Variants in DPM1 observed in about 807,000 individuals in gnomAD.
The protein encoded by DPM1 is dolichyl-phosphate mannosyltransferase subunit 1, catalytic, also known as dolichol-phosphate mannosyltransferase subunit 1.
Under a neutral mutation model 39.0 loss-of-function variants are expected in DPM1, and 27 were observed. That is an observed-to-expected ratio of 0.69 (90% CI 0.51 to 0.95). The LOEUF is 0.95. DPM1 is among the 40% of genes least tolerant of loss of function. DPM1 has a pLI of 0.00. For missense variants in DPM1, 307 were observed against 315.6 expected, an observed-to-expected ratio of 0.97 and a Z score of 0.21; for synonymous variants, 124 against 109.0, an observed-to-expected ratio of 1.14 and a Z score of -0.86.
intron 3 of DPM1, among the ~76,000 whole-genome samples, chr20:50,946,599 G>C (rs1279910995): frequency 6.6e-6 from 1 of 152,150 alleles, no homozygotes; most frequent in Non-Finnish European, 1.5e-5. Flanking sequence ...TCTGGTATTT[G>C]GGGCCAAAGG....
At position 50,955,274 on chromosome 20, in the gene DPM1, T is replaced by A. The variant is rs1040795570; in HGVS notation, c.173A>T (p.Tyr58Phe). ...TCCATCATCTATGATTATAATTTCA[T>A]AGTTGATTCCACTAAAAAAATTAAA... ...VKSFSESGIN[Y>F]EIIIIDDGSP... The change falls in exon 2 of 9, where the codon TAT becomes TTT. Residue 58 changes from tyrosine to phenylalanine, a missense_variant. Physicochemically the swap from Tyr to Phe is conservative, Grantham distance 22. Coordinates refer to ENST00000371588, the MANE Select transcript of DPM1 (RefSeq NM_003859.3). 10 of 1,611,596 alleles carry A rather than the reference T, an allele frequency of 6.2e-6. No individual in the cohort carries two copies. The Middle Eastern group carries it at 6.6e-4, about 106-fold the overall frequency.
chr20:50,957,019 CAA>C (rs887559116), intron 1 of DPM1, among the ~76,000 whole-genome samples: 1 of 143,462 alleles, frequency 7.0e-6, no homozygotes, highest in African/African-American at 2.6e-5. Flanking sequence ...ATTAAAACAG[CAA>C]AAAAAAAAAT....
At chr20:50,955,921 G>A (rs6020866) in intron 1 of DPM1, among the ~76,000 whole-genome samples, 11 of 152,180 alleles carry the variant, frequency 7.2e-5, no homozygotes, top group African/African-American at 2.6e-4. Flanking sequence ...GCAAATCTTA[G>A]TTACATAAAA....
intron 1 of DPM1, among the ~76,000 whole-genome samples, chr20:50,956,531 GAAAAAAAAAA>G (rs56159089): frequency 1.0e-5 from 1 of 100,410 alleles, no homozygotes; most frequent in Admixed American, 1.0e-4. Flanking sequence ...GTCTCCAAAA[GAAAAAAAAAA>G]AAAAGAAAAA....
rs543099435 is a variant in DPM1, at chr20:50,955,278, T to A, written c.169A>T (p.Asn57Tyr). 36 of 1,610,678 alleles carry A rather than the reference T, an allele frequency of 2.2e-5. 1 individual carries two copies. The South Asian group carries it at 3.7e-4, about 17-fold the overall frequency. ...TCATCTATGATTATAATTTCATAGTTGATTCCACTAAAAAAATTAAATTTG... is the reference window on the plus strand; with the variant it reads ...TCATCTATGATTATAATTTCATAGTAGATTCCACTAAAAAAATTAAATTTG... ...LVKSFSESGI[N>Y]YEIIIIDDGS... Residue 57 changes from asparagine (N) to tyrosine (Y), a missense_variant, in exon 2 of 9, where the codon AAC (asparagine) becomes TAC (tyrosine). Coordinates refer to ENST00000371588, the MANE Select transcript of DPM1 (RefSeq NM_003859.3).
Position 50,935,184 on chromosome 20 carries a change from T to C in DPM1, c.731A>G (p.Asn244Ser). Residue 244 changes from asparagine (N) to serine (S), a missense_variant, in exon 9 of 9, where the codon AAT (asparagine) becomes AGT (serine). By Grantham distance (46) the Asn-to-Ser change is conservative. This residue lies in a region of DPM1 where 70 missense variants were observed against 69.4 expected (regional missense o/e 1.01). Transcript: ENST00000371588. ...RVYGESKLGG[N>S]EIVSFLKGLL... The stretch of plus-strand genomic sequence containing the variant: ...TCCTTTCAAGAAAGATACTATTTCA[T>C]TTCCTCCCAACTTGGATTCACCATA... 6.2e-7 allele frequency: 1 copy of C among 1,611,184 alleles called. No individual in the cohort carries two copies. The highest frequency in any genetic ancestry group is 1.1e-5 in the South Asian group (1 of 90,944).
intron 5 of DPM1, chr20:50,944,264 A>G (rs993943498): frequency 2.0e-5 from 3 of 152,206 alleles, no homozygotes; most frequent in African/African-American, 7.2e-5. Flanking sequence ...TTCCTTGACT[A>G]CATCCCAGGA....
intron 1 of DPM1, among the ~76,000 whole-genome samples, chr20:50,957,753 G>A (rs933063762): frequency 7.9e-5 from 12 of 152,202 alleles, no homozygotes; most frequent in Admixed American, 3.9e-4. Flanking sequence ...ACTTCGTACT[G>A]ACTCCAGGAT....
chr20:50,948,529 G>A, intron 3 of DPM1, 100 bp downstream of exon 3: 2 of 1,073,814 alleles, frequency 1.9e-6, no homozygotes, highest in South Asian at 1.2e-5. Flanking sequence ...ATCATAGGAA[G>A]TTACTGTATT....
At chr20:50,946,959 A>ACTTTGGGAGTGTAAG (rs1986323595) in intron 3 of DPM1, among the ~76,000 whole-genome samples, 1 of 152,338 alleles carries the variant, frequency 6.6e-6, no homozygotes, top group African/African-American at 2.4e-5. Context: ...TTGTAATCCC[A>ACTTTGGGAGTGTAAG]GCACTTTGGG....
Position 50,935,084 on chromosome 20 carries a change from T to A in DPM1, c.*48A>T, listed in dbSNP as rs1213865914. 9.0e-7 allele frequency: 1 copy of A among 1,113,992 alleles called. No individual in the cohort carries two copies. The highest frequency in any genetic ancestry group is 1.4e-6 in the Non-Finnish European group (1 of 729,796). The allele number at this position is 1,113,992 out of a possible 1,614,324, so 69.0% of individuals were successfully genotyped here. ...TATACAAATCAGTAACCAGGCTTCT[T>A]TCATGTTTAACCTGAAATGAACGTA... is the stretch of plus-strand genomic sequence containing the variant. On this transcript the variant is annotated 3_prime_UTR_variant, in exon 9 of 9. Transcript: ENST00000371588.
chr20:50,947,249 T>C (rs1177265874), intron 3 of DPM1, among the ~76,000 whole-genome samples: 1 of 151,690 alleles, frequency 6.6e-6, no homozygotes, highest in African/African-American at 2.4e-5. Flanking sequence ...TACACGCCTG[T>C]AATCCCAGCT....
At chr20:50,958,246 C>T in intron 1 of DPM1, 117 bp downstream of exon 1, 2 of 1,403,278 alleles carry the variant, frequency 1.4e-6, no homozygotes, top group Non-Finnish European at 2.0e-6. Flanking sequence ...CTCCCCGGGC[C>T]TTCCTGTGTG....
In DPM1 at chr20:50,935,270, T is replaced by C. The variant is rs766817719; in HGVS notation, c.679-34A>G. The C allele has an allele frequency of 1.2e-5, 16 of 1,347,868 alleles. No homozygotes were observed. The East Asian group carries it at 3.4e-4, about 29-fold the overall frequency. 83.5% of individuals were successfully genotyped at this position (1,347,868 alleles called of 1,614,324 possible). A position where few individuals can be genotyped will look rare whatever the true frequency, so the allele number is the denominator to read the frequency against. On this transcript the variant is annotated intron_variant, in intron 8 of 8. Coordinates refer to ENST00000371588, the MANE Select transcript of DPM1 (RefSeq NM_003859.3). ...AAAAAAAAAAAGTAACGTTAGTCTTTAAAAACAATTAGGCAGCTTAGCCGG... is the reference window on the plus strand; with the variant it reads ...AAAAAAAAAAAGTAACGTTAGTCTTCAAAAACAATTAGGCAGCTTAGCCGG...
At chr20:50,945,264 CATT>C (rs149801869) in intron 5 of DPM1, 17,248 of 158,672 alleles carry the variant, frequency 0.11, 984 homozygotes, top group Middle Eastern at 0.15. Context: ...TAAAATACAT[CATT>C]TAGTCTCAAA....
chr20:50,936,346 T>C (rs1985156733), intron 7 of DPM1, 84 bp from the exon 8 acceptor site: 2 of 894,282 alleles, frequency 2.2e-6, no homozygotes, highest in Non-Finnish European at 3.5e-6. Context: ...TTCACTGGTA[T>C]GTATAAAGCC....
intron 7 of DPM1, among the ~76,000 whole-genome samples, chr20:50,937,947 G>A (rs1003103601): frequency 1.7e-4 from 26 of 152,110 alleles, no homozygotes; most frequent in African/African-American, 6.0e-4. Context: ...CAAAAGTGCT[G>A]GGATTATAGG....
chr20:50,951,119 T>G (rs947510049), intron 2 of DPM1, among the ~76,000 whole-genome samples: 3 of 152,246 alleles, frequency 2.0e-5, no homozygotes, highest in African/African-American at 7.2e-5. Context: ...ATAAAAGTTA[T>G]GTGAACTTGG....
At chr20:50,957,365 T>C (rs1003068028) in intron 1 of DPM1, among the ~76,000 whole-genome samples, 6 of 152,210 alleles carry the variant, frequency 3.9e-5, no homozygotes, top group Admixed American at 6.5e-5. Flanking sequence ...TTTAAGCACA[T>C]TTCTGTCGAC....
Sources: gnomAD v4.1 joint callset for allele counts (sites outside exome capture counted in the v4.1 genomes callset) on GRCh38, gnomAD v4.1.1 for gene constraint, gnomAD v4.1.1 regional missense constraint, MANE v1.5 for transcripts, NCBI Gene and HGNC (gene_info 2026-07-23, HGNC 2026-07-21) for gene names.